The following ALPK1 variants were observed in gnomAD, a reference collection of about 807,000 sequenced individuals.
ALPK1 encodes alpha kinase 1.
Under a neutral mutation model 120.6 loss-of-function variants are expected in ALPK1, and 110 were observed. That is an observed-to-expected ratio of 0.91 (90% CI 0.78 to 1.07). The LOEUF is 1.07. Among genes scored for constraint, ALPK1 ranks in the 50% least tolerant of loss-of-function variants. The probability of loss-of-function intolerance (pLI) is 0.00; values close to 1 mark genes in which losing one functional copy is unlikely to be tolerated. For synonymous variants in ALPK1, 582 were observed against 560.3 expected, an observed-to-expected ratio of 1.04 and a Z score of -0.55; for missense variants, 1,498 against 1,483.9, an observed-to-expected ratio of 1.01 and a Z score of -0.16.
At chr4:112,306,383 C>T (rs1728057153) in intron 1 of ALPK1, among the ~76,000 whole-genome samples, 1 of 152,022 alleles carries the variant, frequency 6.6e-6, no homozygotes, top group African/African-American at 2.4e-5. Flanking sequence ...TGGTCCTGGA[C>T]TCTTTTTGGT....
intron 2 of ALPK1, among the ~76,000 whole-genome samples, chr4:112,365,213 G>T (rs1381455717): frequency 6.6e-6 from 1 of 152,128 alleles, no homozygotes; most frequent in African/African-American, 2.4e-5. Flanking sequence ...AGAGCAGTCA[G>T]CCAAGAGAAA....
chr4:112,358,644 C>A (rs1205269959), intron 2 of ALPK1: 4 of 709,688 alleles, frequency 5.6e-6, no homozygotes, highest in African/African-American at 3.5e-5. Context: ...TGGCGAGGAG[C>A]AGGCCCACAG....
At chr4:112,435,544 A>G (rs1393327611) in intron 12 of ALPK1, among the ~76,000 whole-genome samples, 1 of 152,246 alleles carries the variant, frequency 6.6e-6, no homozygotes, top group African/African-American at 2.4e-5. Flanking sequence ...CATCAGGGAA[A>G]CATTGGCCAT....
At chr4:112,395,065 G>A (rs1004397414) in intron 4 of ALPK1, among the ~76,000 whole-genome samples, 1 of 152,138 alleles carries the variant, frequency 6.6e-6, no homozygotes. Flanking sequence ...TGTCACCTTT[G>A]TATGCAACAA....
chr4:112,323,209 G>T (rs552853355), intron 2 of ALPK1, among the ~76,000 whole-genome samples: 1 of 152,004 alleles, frequency 6.6e-6, no homozygotes, highest in Admixed American at 6.6e-5. Context: ...TGTCCTAGTC[G>T]GTCTTCTAAG....
chr4:112,432,050 A>T lies in ALPK1; in HGVS notation c.2503A>T (p.Ser835Cys), dbSNP rs752844520. Reference sequence around the variant, plus strand: ...TGTTCAAAATCCTGACTCCAGAAAAAGTGGTGGCCCAGTCGCAGAGCAGGG... The same window carrying T: ...TGTTCAAAATCCTGACTCCAGAAAATGTGGTGGCCCAGTCGCAGAGCAGGG... ...WPVQNPDSRK[S>C]GGPVAEQGID... Residue 835 changes from serine (S) to cysteine (C), a missense_variant, in exon 11 of 16, where the codon AGT becomes TGT. Transcript: ENST00000650871. The T allele has an allele frequency of 6.2e-7, 1 of 1,614,016 alleles. No homozygotes were observed. The highest frequency in any genetic ancestry group is 1.1e-5 in the South Asian group (1 of 91,070).
intron 2 of ALPK1, among the ~76,000 whole-genome samples, chr4:112,336,731 T>C (rs986826868): frequency 1.3e-5 from 2 of 152,190 alleles, no homozygotes; most frequent in African/African-American, 4.8e-5. Flanking sequence ...CAGGTATTAA[T>C]AATAGTGTTA....
At chr4:112,422,410 C>G (rs144950473) in intron 5 of ALPK1, among the ~76,000 whole-genome samples, 6 of 152,112 alleles carry the variant, frequency 3.9e-5, no homozygotes, top group East Asian at 1.9e-4. Flanking sequence ...AGCTAGACAC[C>G]GAGTCCACTG....
At chr4:112,412,473 G>T (rs1560676577) in intron 5 of ALPK1, 1 of 456,628 alleles carries the variant, frequency 2.2e-6, no homozygotes, top group South Asian at 1.5e-5. Context: ...TAATTTGAGG[G>T]TTTTTTTTCA....
chr4:112,396,739 T>G (rs1732667488), intron 4 of ALPK1, among the ~76,000 whole-genome samples: 1 of 152,152 alleles, frequency 6.6e-6, no homozygotes, highest in African/African-American at 2.4e-5. Context: ...TGTACTCCTC[T>G]GTAATCTTTT....
chr4:112,333,193 A>G (rs961003960), intron 2 of ALPK1, among the ~76,000 whole-genome samples: 1 of 152,194 alleles, frequency 6.6e-6, no homozygotes, highest in African/African-American at 2.4e-5. Flanking sequence ...CTGATTACTG[A>G]TCTGGCCCTG....
At chr4:112,313,471 C>A (rs982083857) in intron 1 of ALPK1, among the ~76,000 whole-genome samples, 3 of 152,164 alleles carry the variant, frequency 2.0e-5, no homozygotes, top group Admixed American at 1.3e-4. Context: ...GCCTGTAATC[C>A]CAACAGTTTG....
intron 2 of ALPK1, among the ~76,000 whole-genome samples, chr4:112,351,496 T>C (rs1301830457): frequency 6.6e-6 from 1 of 150,696 alleles, no homozygotes; most frequent in Non-Finnish European, 1.5e-5. Context: ...TTTTTTTTTA[T>C]AGAGTCTTGC....
At chr4:112,300,920 A>C (rs1302775295) in intron 1 of ALPK1, among the ~76,000 whole-genome samples, 1 of 152,136 alleles carries the variant, frequency 6.6e-6, no homozygotes, top group Non-Finnish European at 1.5e-5. Flanking sequence ...CACTGCTTTG[A>C]CCTTAACCCC....
At position 112,371,564 on chromosome 4, in the gene ALPK1, C is replaced by T. The variant is rs72896956; in HGVS notation, c.-100-6114C>T. Among the ~76,000 whole-genome samples the T allele has an allele frequency of 8.5e-3, 1,292 of 152,286 alleles. 17 individuals are homozygous for T. The highest frequency in any genetic ancestry group is 0.03 in the African/African-American group (1,235 of 41,548). On this transcript the variant is annotated intron_variant, in intron 2 of 15. Coordinates refer to ENST00000650871, the MANE Select transcript of ALPK1 (RefSeq NM_025144.4). ...AAGCTTAATTCAGGCATCACATTCTCAAAGAAGCCTCCCTTGATCTGCCCT... is the reference window on the plus strand; with the variant it reads ...AAGCTTAATTCAGGCATCACATTCTTAAAGAAGCCTCCCTTGATCTGCCCT...
At chr4:112,322,516 T>C (rs1728906691) in intron 2 of ALPK1, among the ~76,000 whole-genome samples, 1 of 152,202 alleles carries the variant, frequency 6.6e-6, no homozygotes, top group African/African-American at 2.4e-5. Flanking sequence ...AACAAATATT[T>C]TTTGAGCACC....
chr4:112,412,166 CG>C (rs1269907428), intron 5 of ALPK1, 141 bp downstream of exon 5: 1 of 992,634 alleles, frequency 1.0e-6, no homozygotes, highest in Non-Finnish European at 1.5e-6. Flanking sequence ...TCCCCTCCCC[CG>C]CCCCTGTGCC....
At chr4:112,355,757 C>T (rs1578493506) in intron 2 of ALPK1, among the ~76,000 whole-genome samples, 1 of 152,354 alleles carries the variant, frequency 6.6e-6, no homozygotes, top group African/African-American at 2.4e-5. Context: ...GGACCCCATC[C>T]GTGGGGTAAC....
chr4:112,380,146 G>C (rs1731837343), intron 3 of ALPK1, among the ~76,000 whole-genome samples: 1 of 152,174 alleles, frequency 6.6e-6, no homozygotes, highest in South Asian at 2.1e-4. Flanking sequence ...AAGGACCCTA[G>C]GACCACACAG....
Sources: gnomAD v4.1 joint callset for allele counts (sites outside exome capture counted in the v4.1 genomes callset) on GRCh38, gnomAD v4.1.1 for gene constraint, MANE v1.5 for transcripts, NCBI Gene and HGNC (gene_info 2026-07-23, HGNC 2026-07-21) for gene names.